The following MACF1 variants were observed in gnomAD, a reference collection of about 807,000 sequenced individuals.
The protein encoded by MACF1 is microtubule-actin cross-linking factor 1.
MACF1 carries 193 observed loss-of-function variants against 854.8 expected under a neutral mutation model. That is an observed-to-expected ratio of 0.23 (90% confidence interval 0.20 to 0.25). MACF1 has a LOEUF of 0.25. Among genes scored for constraint, MACF1 ranks in the 10% least tolerant of loss-of-function variants. The probability of loss-of-function intolerance (pLI) is 1.00; values close to 1 mark genes in which losing one functional copy is unlikely to be tolerated. For synonymous variants in MACF1, 3,185 were observed against 3,226.7 expected, an observed-to-expected ratio of 0.99 and a Z score of 0.44; for missense variants, 7,722 against 8,929.1, an observed-to-expected ratio of 0.86 and a Z score of 5.45.
chr1:39,374,350 T>TA (rs542066017), intron 52 of MACF1, among the ~76,000 whole-genome samples: 7 of 152,362 alleles, frequency 4.6e-5, no homozygotes, highest in Non-Finnish European at 8.8e-5. Context: ...TGCACTCCTA[T>TA]AGTCACTTAA....
chr1:39,459,161 A>G lies in MACF1; in HGVS notation c.21272A>G (p.Asn7091Ser), dbSNP rs1352319859. 3 of 1,614,042 alleles carry G rather than the reference A, an allele frequency of 1.9e-6. No homozygotes were observed. Among genetic ancestry groups the G allele is most frequent in the African/African-American group, 1.3e-5 (1 of 74,906 alleles). ...SQSEAKNPRI[N>S]QLSARWQQVW... ...TCTGAAGCAAAAAACCCACGGATCA[A>G]CCAGCTTTCTGCCCGCTGGCAGCAG... Residue 7091 changes from asparagine (N) to serine (S), a missense_variant, in exon 91 of 101, where the codon AAC becomes AGC. Asn to Ser is a conservative substitution (Grantham distance 46). Transcript: ENST00000564288.
intron 55 of MACF1, 136 bp downstream of exon 55, chr1:39,380,509 G>A: frequency 1.2e-6 from 1 of 857,964 alleles, no homozygotes; most frequent in Non-Finnish European, 1.7e-6. Context: ...TCCAGATAGG[G>A]CCAGAGCATG....
chr1:39,269,037 G>A, intron 6 of MACF1: 1 of 1,289,214 alleles, frequency 7.8e-7, no homozygotes, highest in Non-Finnish European at 1.0e-6. Flanking sequence ...GAGATTCCAA[G>A]GGGAGGTCCA....
At chr1:39,400,166 A>G (rs1642421841) in intron 58 of MACF1, among the ~76,000 whole-genome samples, 1 of 152,354 alleles carries the variant, frequency 6.6e-6, no homozygotes, top group African/African-American at 2.4e-5. Context: ...TACTTACTCA[A>G]TTAGTTGACA....
intron 2 of MACF1, among the ~76,000 whole-genome samples, chr1:39,180,005 ACT>A (rs1295378663): frequency 6.6e-6 from 1 of 151,144 alleles, no homozygotes; most frequent in African/African-American, 2.4e-5. Flanking sequence ...ACAGAGCAAG[ACT>A]CTGTTTCAAA....
chr1:39,372,059 T>G (rs547089126), intron 51 of MACF1, among the ~76,000 whole-genome samples: 1 of 152,238 alleles, frequency 6.6e-6, no homozygotes, highest in Admixed American at 6.5e-5. Flanking sequence ...CCTCAAGTGA[T>G]CTGCCCGCCT....
In MACF1 at chr1:39,334,344, G is replaced by A; in HGVS notation, c.7756G>A (p.Asp2586Asn). 1 of 1,614,090 alleles carries A rather than the reference G, an allele frequency of 6.2e-7. No individual in the cohort carries two copies. ...EVQAFTGNFV[D>N]LISGQRLTLA... The stretch of plus-strand genomic sequence containing the variant: ...TCAGGCCTTTACTGGAAACTTTGTG[G>A]ATCTCATTTCTGGTCAGAGATTGAC... Residue 2586 changes from aspartate (D) to asparagine (N), a missense_variant, in exon 37 of 101, where the codon GAT (aspartate) becomes AAT (asparagine). Asp to Asn is a conservative substitution (Grantham distance 23, BLOSUM62 1). Coordinates refer to ENST00000564288, the MANE Select transcript of MACF1 (RefSeq NM_001394062.1).
chr1:39,398,619 A>C lies in MACF1; in HGVS notation c.15816+9961A>C, dbSNP rs139353984. On this transcript the variant is annotated intron_variant, in intron 58 of 100. Transcript: ENST00000564288. ...TCAGATCCCATGACAAGTAAGAGTT[A>C]ACTGATTAAATAGTTCCACTCGCTG... Among the ~76,000 whole-genome samples, 1,142 of 152,312 alleles carry C rather than the reference A, an allele frequency of 7.5e-3. 16 individuals are homozygous for C. The highest frequency in any genetic ancestry group is 0.025 in the African/African-American group (1,052 of 41,560).
At chr1:39,232,217 G>C (rs1047318529) in intron 2 of MACF1, among the ~76,000 whole-genome samples, 4 of 151,476 alleles carry the variant, frequency 2.6e-5, no homozygotes, top group African/African-American at 9.7e-5. Context: ...AAGATAAACA[G>C]TATGACTACT....
chr1:39,184,269 G>A (rs571167470), intron 2 of MACF1, among the ~76,000 whole-genome samples: 2 of 152,258 alleles, frequency 1.3e-5, no homozygotes, highest in South Asian at 2.1e-4. Context: ...GCAGGGCGGC[G>A]TGTGTGGGTT....
chr1:39,296,509 C>A (rs930544317), intron 20 of MACF1, among the ~76,000 whole-genome samples: 13 of 151,816 alleles, frequency 8.6e-5, no homozygotes, highest in African/African-American at 2.9e-4. Flanking sequence ...GCAGGCAGAT[C>A]ACCTGAGGTC....
intron 2 of MACF1, among the ~76,000 whole-genome samples, chr1:39,098,027 C>G (rs183692275): frequency 2.6e-5 from 4 of 152,002 alleles, no homozygotes; most frequent in African/African-American, 9.6e-5. Flanking sequence ...TCCCAATTCC[C>G]CAAAGAGTAT....
chr1:39,231,725 A>G (rs1644780041), intron 2 of MACF1, among the ~76,000 whole-genome samples: 1 of 151,994 alleles, frequency 6.6e-6, no homozygotes, highest in South Asian at 2.1e-4. Flanking sequence ...TTTATTTTAA[A>G]ATAGACACAG....
chr1:39,121,144 A>C (rs1642698080), intron 2 of MACF1: 2 of 152,230 alleles, frequency 1.3e-5, no homozygotes, highest in Non-Finnish European at 2.9e-5. Flanking sequence ...GCTCCAATCA[A>C]TATTGAATGA....
intron 2 of MACF1, among the ~76,000 whole-genome samples, chr1:39,090,851 C>T (rs1190641086): frequency 2.0e-5 from 3 of 152,186 alleles, no homozygotes; most frequent in Non-Finnish European, 4.4e-5. Flanking sequence ...GAGGAAAGGT[C>T]TGTGAACAGA....
At chr1:39,467,955 T>A (rs1644703196) in intron 95 of MACF1, 1 of 152,340 alleles carries the variant, frequency 6.6e-6, no homozygotes, top group African/African-American at 2.4e-5. Flanking sequence ...GAAAACAAAT[T>A]AGCATGCCAA....
At chr1:39,190,681 G>A (rs1406200148) in intron 2 of MACF1, among the ~76,000 whole-genome samples, 2 of 151,754 alleles carry the variant, frequency 1.3e-5, no homozygotes, top group Non-Finnish European at 2.9e-5. Flanking sequence ...TAAAAATCAG[G>A]ATCTTGAGTA....
Position 39,333,865 on chromosome 1 carries a change from C to T in MACF1, c.7277C>T (p.Ser2426Leu), listed in dbSNP as rs544647871. ...RGKKVSVTLA[S>L]TLGLVDVADQ... is the part of the protein sequence containing the mutation. Reference sequence around the variant, plus strand: ...AAAAAAGTTTCAGTAACTTTGGCCTCAACTCTTGGCTTGGTGGACGTTGCT... The same window carrying T: ...AAAAAAGTTTCAGTAACTTTGGCCTTAACTCTTGGCTTGGTGGACGTTGCT... The change falls in exon 37 of 101, where the codon TCA becomes TTA. Residue 2426 changes from serine (S) to leucine (L), a missense_variant. Around this residue, in one of 15 missense-constraint regions of MACF1, gnomAD observed 1,531 missense variants for 1,601.6 expected, o/e 0.96. Transcript: ENST00000564288. The T allele has an allele frequency of 2.2e-4, 354 of 1,614,134 alleles. 4 individuals are homozygous for T. The South Asian group carries it at 3.6e-3, about 17-fold the overall frequency.
chr1:39,117,742 C>A (rs1035213881), intron 2 of MACF1, among the ~76,000 whole-genome samples: 1 of 152,174 alleles, frequency 6.6e-6, no homozygotes, highest in African/African-American at 2.4e-5. Flanking sequence ...AGTTCATAAA[C>A]CCTCTGTCCT....
Sources: allele counts gnomAD v4.1 joint callset (sites outside exome capture counted in the v4.1 genomes callset), GRCh38; gene constraint gnomAD v4.1.1; regional missense constraint gnomAD v4.1.1; transcripts MANE v1.5; gene names NCBI Gene and HGNC (gene_info 2026-07-23, HGNC 2026-07-21).